CDH18: variants seen among roughly 807,000 people sequenced by gnomAD.
The protein encoded by CDH18 is cadherin-18.
A neutral mutation model predicts 67.9 loss-of-function variants in CDH18; 31 were observed. The observed-to-expected ratio is 0.46, with a 90% CI of 0.34 to 0.62. CDH18 has a LOEUF of 0.62. Among genes scored for constraint, CDH18 ranks in the 20% least tolerant of loss-of-function variants. The pLI, the probability that CDH18 is intolerant of heterozygous loss-of-function variation, is 0.01. For missense variants in CDH18, 890 were observed against 975.5 expected, an observed-to-expected ratio of 0.91 and a Z score of 1.17; for synonymous variants, 362 against 347.2, an observed-to-expected ratio of 1.04 and a Z score of -0.48.
intron 5 of CDH18, among the ~76,000 whole-genome samples, chr5:19,701,333 T>C (rs760181709): frequency 6.6e-6 from 1 of 152,140 alleles, no homozygotes. Context: ...AGAAGATTCA[T>C]ATTTCTCTGC....
At chr5:20,332,387 T>G (rs1739264372) in intron 1 of CDH18, among the ~76,000 whole-genome samples, 1 of 152,322 alleles carries the variant, frequency 6.6e-6, no homozygotes. Flanking sequence ...TTGTCAACTC[T>G]TTGCTGGTAA....
At chr5:19,815,711 C>T (rs553926369) in intron 3 of CDH18, among the ~76,000 whole-genome samples, 3 of 151,962 alleles carry the variant, frequency 2.0e-5, no homozygotes, top group South Asian at 2.1e-4. Context: ...TTGACACCTC[C>T]GTAACTAATC....
At chr5:20,426,374 T>A (rs1748300215) in intron 1 of CDH18, among the ~76,000 whole-genome samples, 1 of 151,220 alleles carries the variant, frequency 6.6e-6, no homozygotes, top group Admixed American at 6.6e-5. Flanking sequence ...TCTTGAGAAA[T>A]TATTGCAGTT....
chr5:19,569,487 T>C (rs1740995847), intron 8 of CDH18, among the ~76,000 whole-genome samples: 1 of 152,192 alleles, frequency 6.6e-6, no homozygotes, highest in Admixed American at 6.5e-5. Flanking sequence ...TCTCTTTCTG[T>C]GGAGAATTAT....
intron 2 of CDH18, among the ~76,000 whole-genome samples, chr5:20,129,960 G>T (rs1026997461): frequency 1.3e-5 from 2 of 151,372 alleles, no homozygotes; most frequent in African/African-American, 4.9e-5. Context: ...TGAAAGTACA[G>T]GGAAAAATGA....
At chr5:19,861,622 G>A (rs1784923063) in intron 2 of CDH18, among the ~76,000 whole-genome samples, 1 of 152,128 alleles carries the variant, frequency 6.6e-6, no homozygotes, top group African/African-American at 2.4e-5. Flanking sequence ...CCTTGGACTT[G>A]AGATAATGAG....
rs1187216433 is a variant in CDH18, at chr5:20,419,467, T to TG, written c.-580+155994_-580+155995insC. Among the ~76,000 whole-genome samples, 5 of 47,176 alleles carry TG rather than the reference T, an allele frequency of 1.1e-4. No individual in the cohort carries two copies. The East Asian group carries it at 3.8e-3, about 36-fold the overall frequency. 30.9% of individuals were successfully genotyped at this position (47,176 alleles called of 152,430 possible). On this transcript the variant is annotated intron_variant, in intron 1 of 14. Coordinates refer to the CDH18 transcript ENST00000507958. ...CACCCAGGGTATGGGACTCTGTTTT[T>TG]TTTTTTTTTTTTTTTTTTTTTTTTT... is the stretch of plus-strand genomic sequence containing the variant.
chr5:19,842,459 C>T (rs578093478), intron 2 of CDH18, among the ~76,000 whole-genome samples: 146 of 152,206 alleles, frequency 9.6e-4, no homozygotes, highest in Non-Finnish European at 1.5e-3. Context: ...TCTCCTGATG[C>T]CTTGTGAAAA....
chr5:20,155,073 TTTAC>T (rs1580361859), intron 2 of CDH18, among the ~76,000 whole-genome samples: 1 of 152,240 alleles, frequency 6.6e-6, no homozygotes, highest in Admixed American at 6.5e-5. Context: ...AGAAAAAAAT[TTTAC>T]TTACTTTCTT....
rs147974216 is a variant in CDH18, at chr5:19,493,833, T to C, written c.1630+9159A>G. On this transcript the variant is annotated intron_variant, in intron 11 of 12. Transcript: ENST00000382275. ...CTTATTGTCATTTGGCAATAATAGC[T>C]CCAACAGTTACATAGTCAATATTGA... is the stretch of plus-strand genomic sequence containing the variant. Among the ~76,000 whole-genome samples the C allele has an allele frequency of 2.5e-3, 385 of 152,256 alleles. 3 individuals are homozygous for C. The highest frequency in any genetic ancestry group is 8.9e-3 in the African/African-American group (368 of 41,568).
chr5:20,395,785 C>G (rs1745230148), intron 1 of CDH18, among the ~76,000 whole-genome samples: 1 of 152,008 alleles, frequency 6.6e-6, no homozygotes, highest in African/African-American at 2.4e-5. Flanking sequence ...ATGATTAGAG[C>G]ATTGGAATTT....
chr5:20,545,457 C>G (rs990818956), intron 1 of CDH18, among the ~76,000 whole-genome samples: 1 of 152,204 alleles, frequency 6.6e-6, no homozygotes, highest in East Asian at 1.9e-4. Context: ...CAGGCATTTC[C>G]TCACATCATC....
At chr5:19,684,250 T>G (rs1760748964) in intron 5 of CDH18, among the ~76,000 whole-genome samples, 1 of 151,990 alleles carries the variant, frequency 6.6e-6, no homozygotes, top group Admixed American at 6.6e-5. Flanking sequence ...AAATATCTAT[T>G]AATCATTTTC....
rs903523614 is a variant in CDH18, at chr5:19,917,342, C to CG, written c.-257+63717_-257+63718insC. Among the ~76,000 whole-genome samples the CG allele has an allele frequency of 1.2e-3, 177 of 150,098 alleles. 1 individual carries two copies. The highest frequency in any genetic ancestry group is 4.3e-3 in the African/African-American group (171 of 40,200). Reference sequence around the variant, plus strand: ...CTGTTCTCAATTTTTTCTTTCCCCCCCCGCCCCCTTTTTTTTCTTTTCTGA... The same window carrying CG: ...CTGTTCTCAATTTTTTCTTTCCCCCCGCCGCCCCCTTTTTTTTCTTTTCTGA... On this transcript the variant is annotated intron_variant, in intron 2 of 12. Transcript: ENST00000382275.
At chr5:20,412,888 T>G (rs1288996716) in intron 1 of CDH18, among the ~76,000 whole-genome samples, 2 of 152,206 alleles carry the variant, frequency 1.3e-5, no homozygotes, top group African/African-American at 4.8e-5. Flanking sequence ...TATGTATACA[T>G]GTGCATGTTG....
At chr5:20,393,097 C>T (rs1044964303) in intron 1 of CDH18, among the ~76,000 whole-genome samples, 11 of 151,710 alleles carry the variant, frequency 7.3e-5, no homozygotes, top group South Asian at 2.1e-4. Context: ...TTAGATCTAA[C>T]GGTATATGAG....
chr5:19,702,475 G>A (rs938461597), intron 5 of CDH18, among the ~76,000 whole-genome samples: 1 of 150,772 alleles, frequency 6.6e-6, no homozygotes, highest in African/African-American at 2.4e-5. Context: ...CTAACAAAAC[G>A]TCCCTTTCAG....
intron 1 of CDH18, among the ~76,000 whole-genome samples, chr5:20,298,401 G>C (rs1747707118): frequency 6.6e-6 from 1 of 152,032 alleles, no homozygotes; most frequent in African/African-American, 2.4e-5. Flanking sequence ...GACCGGTAAA[G>C]GAATTTCAAA....
At chr5:20,396,518 A>G (rs1298067707) in intron 1 of CDH18, among the ~76,000 whole-genome samples, 2 of 152,100 alleles carry the variant, frequency 1.3e-5, no homozygotes, top group Non-Finnish European at 2.9e-5. Context: ...AATAAATCAT[A>G]ATAAATGCTG....
Sources: gnomAD v4.1 joint callset for allele counts (sites outside exome capture counted in the v4.1 genomes callset) on GRCh38, gnomAD v4.1.1 for gene constraint, MANE v1.5 for transcripts, NCBI Gene and HGNC (gene_info 2026-07-23, HGNC 2026-07-21) for gene names.